The following RXFP1 variants were observed in gnomAD, a reference collection of about 807,000 sequenced individuals.
RXFP1 encodes relaxin receptor 1.
A neutral mutation model predicts 89.8 loss-of-function variants in RXFP1; 73 were observed. That is an observed-to-expected ratio of 0.81 (90% confidence interval 0.67 to 0.99). The LOEUF (loss-of-function observed/expected upper bound fraction) is 0.99. RXFP1 is among the 50% of genes least tolerant of loss of function. RXFP1 has a pLI of 0.00. For synonymous variants in RXFP1, 277 were observed against 305.5 expected, an observed-to-expected ratio of 0.91 and a Z score of 0.97; for missense variants, 793 against 895.5, an observed-to-expected ratio of 0.89 and a Z score of 1.46.
chr4:158,599,347 A>G lies in RXFP1; in HGVS notation c.308A>G (p.Gln103Arg), dbSNP rs563371835. Residue 103 changes from glutamine to arginine, a missense_variant, in exon 4 of 18, where the codon CAA (glutamine) becomes CGA (arginine). By Grantham distance (43) the Gln-to-Arg change is conservative. Transcript: ENST00000307765. The part of the protein sequence containing the change: ...PECLVGSVPV[Q>R]CLCQGLELDC... ...TCAGTGGTCGGTTCTGTGCCAGTGC[A>G]ATGTCTTTGCCAAGGTCTGGAGCTT... 1.3e-5 allele frequency: 21 copies of G among 1,613,892 alleles called. No homozygotes were observed. Among genetic ancestry groups the G allele is most frequent in the South Asian group, 4.4e-5 (4 of 91,058 alleles).
At chr4:158,583,395 C>G (rs1757734798) in intron 2 of RXFP1, among the ~76,000 whole-genome samples, 1 of 152,180 alleles carries the variant, frequency 6.6e-6, no homozygotes, top group South Asian at 2.1e-4. Context: ...GAATATTCCA[C>G]TAAAGTTGGT....
intron 1 of RXFP1, among the ~76,000 whole-genome samples, chr4:158,557,384 T>G (rs569595774): frequency 6.6e-6 from 1 of 152,306 alleles, no homozygotes; most frequent in East Asian, 1.9e-4. Flanking sequence ...TTCCTTAAAG[T>G]ATCAGTTTGT....
chr4:158,563,678 G>A (rs989192654), intron 1 of RXFP1, among the ~76,000 whole-genome samples: 13 of 151,622 alleles, frequency 8.6e-5, no homozygotes, highest in Admixed American at 4.6e-4. Context: ...AATCATTTGC[G>A]TTACTATAAG....
At chr4:158,534,845 TTTA>T (rs1017474792) in intron 1 of RXFP1, among the ~76,000 whole-genome samples, 5 of 148,910 alleles carry the variant, frequency 3.4e-5, no homozygotes, top group East Asian at 1.9e-4. Context: ...CTCTCTCATT[TTTA>T]TTATTATTAT....
At chr4:158,536,889 A>G (rs1442409555) in intron 1 of RXFP1, among the ~76,000 whole-genome samples, 3 of 152,104 alleles carry the variant, frequency 2.0e-5, no homozygotes, top group Non-Finnish European at 4.4e-5. Flanking sequence ...TGGAGTTGCA[A>G]TATTGTTGTA....
At chr4:158,542,109 A>AT (rs56032847) in intron 1 of RXFP1, among the ~76,000 whole-genome samples, 1 of 35,254 alleles carries the variant, frequency 2.8e-5, no homozygotes, top group Non-Finnish European at 5.6e-5. Context: ...ATATATATAT[A>AT]TTTTTTTTTT....
chr4:158,587,721 C>T (rs1360173737), intron 2 of RXFP1, among the ~76,000 whole-genome samples: 1 of 151,982 alleles, frequency 6.6e-6, no homozygotes, highest in Non-Finnish European at 1.5e-5. Flanking sequence ...GTCACCTAAC[C>T]TTCTTCAGTA....
intron 11 of RXFP1, among the ~76,000 whole-genome samples, chr4:158,632,222 T>C (rs1768184010): frequency 6.6e-6 from 1 of 152,190 alleles, no homozygotes; most frequent in African/African-American, 2.4e-5. Context: ...AGCAATAGTC[T>C]CCAGGTTCAG....
intron 1 of RXFP1, among the ~76,000 whole-genome samples, chr4:158,556,657 A>G (rs1418466850): frequency 6.6e-6 from 1 of 152,212 alleles, no homozygotes; most frequent in East Asian, 1.9e-4. Flanking sequence ...GTGAGGAATC[A>G]ACCTAAGTCT....
intron 1 of RXFP1, among the ~76,000 whole-genome samples, chr4:158,530,483 A>G (rs544349845): frequency 7.2e-5 from 11 of 152,266 alleles, no homozygotes; most frequent in African/African-American, 2.6e-4. Context: ...TTCATTTTCA[A>G]TGGTCCAGAA....
intron 8 of RXFP1, among the ~76,000 whole-genome samples, chr4:158,614,988 C>T (rs1764270918): frequency 6.6e-6 from 1 of 152,028 alleles, no homozygotes; most frequent in African/African-American, 2.4e-5. Context: ...ATGCTGTAAA[C>T]AGATGTGCTG....
chr4:158,554,888 C>T (rs192294413), intron 1 of RXFP1, among the ~76,000 whole-genome samples: 7 of 152,058 alleles, frequency 4.6e-5, no homozygotes, highest in Non-Finnish European at 7.4e-5. Context: ...TAATCTGCTC[C>T]GCTATTGTAA....
rs867050770 is a variant in RXFP1, at chr4:158,645,975, A to G, written c.1346-816A>G. 1.2e-4 allele frequency among the ~76,000 whole-genome samples: 19 copies of G among 152,180 alleles called. 1 individual carries two copies. Among genetic ancestry groups the G allele is most frequent in the African/African-American group, 4.6e-4 (19 of 41,446 alleles). On this transcript the variant is annotated intron_variant, in intron 15 of 17. Transcript: ENST00000307765. ...GTTCAATTTCCGTGGTGAAGCCTAGACTGTAACTTCAGAGTTAAAGGCTTA... is the reference window on the plus strand; with the variant it reads ...GTTCAATTTCCGTGGTGAAGCCTAGGCTGTAACTTCAGAGTTAAAGGCTTA...
intron 16 of RXFP1, among the ~76,000 whole-genome samples, chr4:158,647,693 C>A (rs773812794): frequency 6.6e-6 from 1 of 152,106 alleles, no homozygotes; most frequent in Non-Finnish European, 1.5e-5. Context: ...CATAGCAAGA[C>A]CCCATCTCTA....
At chr4:158,522,416 C>T (rs571831191) in intron 1 of RXFP1, among the ~76,000 whole-genome samples, 86 of 152,184 alleles carry the variant, frequency 5.7e-4, no homozygotes, top group Non-Finnish European at 8.5e-4. Flanking sequence ...AATGCTCTGT[C>T]GCCCTTATTC....
At chr4:158,616,470 T>A (rs980339122) in intron 8 of RXFP1, among the ~76,000 whole-genome samples, 2 of 150,458 alleles carry the variant, frequency 1.3e-5, no homozygotes, top group African/African-American at 2.4e-5. Flanking sequence ...TAAAACAAGG[T>A]GTGCCTACAT....
At chr4:158,632,691 G>A (rs949339008) in intron 11 of RXFP1, among the ~76,000 whole-genome samples, 1 of 152,154 alleles carries the variant, frequency 6.6e-6, no homozygotes, top group African/African-American at 2.4e-5. Context: ...ATGAGAGCCT[G>A]TGTATATCAG....
chr4:158,591,152 T>C (rs1222344153), intron 2 of RXFP1, among the ~76,000 whole-genome samples: 2 of 152,220 alleles, frequency 1.3e-5, no homozygotes, highest in South Asian at 2.1e-4. Flanking sequence ...CTGGAAAACA[T>C]ATATTTAAGT....
At chr4:158,599,701 G>A (rs551223733) in intron 4 of RXFP1, among the ~76,000 whole-genome samples, 1 of 152,140 alleles carries the variant, frequency 6.6e-6, no homozygotes, top group Non-Finnish European at 1.5e-5. Context: ...GTCATCAATT[G>A]CATGTGCTAC....
Sources: allele counts gnomAD v4.1 joint callset (sites outside exome capture counted in the v4.1 genomes callset), GRCh38; gene constraint gnomAD v4.1.1; transcripts MANE v1.5; gene names NCBI Gene and HGNC (gene_info 2026-07-23, HGNC 2026-07-21).